PRKN: variants seen among roughly 807,000 people sequenced by gnomAD.
PRKN encodes the protein E3 ubiquitin-protein ligase parkin.
PRKN carries 56 observed loss-of-function variants against 59.5 expected under a neutral mutation model. The observed-to-expected ratio is 0.94, with a 90% CI of 0.76 to 1.18. The LOEUF (loss-of-function observed/expected upper bound fraction) is 1.18. Among genes scored for constraint, PRKN ranks in the 50% most tolerant of loss-of-function variants. The pLI, the probability that PRKN is intolerant of heterozygous loss-of-function variation, is 0.00. For synonymous variants in PRKN, 250 were observed against 222.1 expected, an observed-to-expected ratio of 1.13 and a Z score of -1.12; for missense variants, 657 against 596.4, an observed-to-expected ratio of 1.10 and a Z score of -1.06.
At chr6:162,034,489 G>T (rs1783766290) in intron 5 of PRKN, among the ~76,000 whole-genome samples, 1 of 152,044 alleles carries the variant, frequency 6.6e-6, no homozygotes, top group Non-Finnish European at 1.5e-5. Flanking sequence ...ATTTCCTGCA[G>T]TTTATTCATT....
intron 4 of PRKN, among the ~76,000 whole-genome samples, chr6:162,082,040 A>T (rs944105413): frequency 6.6e-6 from 1 of 152,068 alleles, no homozygotes; most frequent in Non-Finnish European, 1.5e-5. Flanking sequence ...AGAATTGAAG[A>T]GGGTACAGGT....
chr6:161,791,443 T>C (rs989489660), intron 6 of PRKN, among the ~76,000 whole-genome samples: 4 of 152,216 alleles, frequency 2.6e-5, no homozygotes, highest in Admixed American at 6.5e-5. Flanking sequence ...AAATGTGCAA[T>C]TTACTCTGCT....
At chr6:161,782,965 A>G (rs537792319) in intron 7 of PRKN, among the ~76,000 whole-genome samples, 13 of 152,298 alleles carry the variant, frequency 8.5e-5, no homozygotes, top group Non-Finnish European at 1.6e-4. Context: ...TGATGACATA[A>G]CTATACATTA....
At position 161,466,233 on chromosome 6, in the gene PRKN, C is replaced by G. The variant is rs1245666059; in HGVS notation, c.1084-79356G>C. ...TGACCGCTCTTCAAGATCATTGATACTTACCTCTTCTGCTCAGTCTTCTGT... is the reference window on the plus strand; with the variant it reads ...TGACCGCTCTTCAAGATCATTGATAGTTACCTCTTCTGCTCAGTCTTCTGT... On this transcript the variant is annotated intron_variant, in intron 9 of 11. Coordinates refer to ENST00000366898, the MANE Select transcript of PRKN (RefSeq NM_004562.3). The surrounding 1 kb of genome is among the most constrained non-coding windows in gnomAD (Gnocchi z 5.0). Among the ~76,000 whole-genome samples, 1 of 152,212 alleles carries G rather than the reference C, an allele frequency of 6.6e-6. No homozygotes were observed. Among genetic ancestry groups the G allele is most frequent in the African/African-American group, 2.4e-5 (1 of 41,448 alleles).
intron 6 of PRKN, among the ~76,000 whole-genome samples, chr6:161,885,619 T>C (rs9458410): frequency 5.4e-5 from 8 of 147,038 alleles, no homozygotes; most frequent in South Asian, 2.2e-4. Flanking sequence ...GGGCCAAGAT[T>C]GCACCACTGC....
chr6:161,762,184 G>C (rs1052764429), intron 7 of PRKN, among the ~76,000 whole-genome samples: 1 of 152,128 alleles, frequency 6.6e-6, no homozygotes, highest in African/African-American at 2.4e-5. Context: ...GAAAAAATAC[G>C]AAGCCACAGT....
At chr6:162,295,635 C>T (rs922599285) in intron 2 of PRKN, among the ~76,000 whole-genome samples, 3 of 152,202 alleles carry the variant, frequency 2.0e-5, no homozygotes, top group African/African-American at 7.2e-5. Flanking sequence ...GGCCCCACTA[C>T]AGGAGTTGTG....
At chr6:161,751,368 C>T (rs915449824) in intron 7 of PRKN, among the ~76,000 whole-genome samples, 1 of 152,182 alleles carries the variant, frequency 6.6e-6, no homozygotes, top group Non-Finnish European at 1.5e-5. Flanking sequence ...TAGCTTGGTA[C>T]ACTCAGCGCC....
In PRKN at chr6:161,576,132, C is replaced by T. The variant is rs1337014053; in HGVS notation, c.872-6716G>A. On this transcript the variant is annotated intron_variant, in intron 7 of 11. Coordinates refer to ENST00000366898, the MANE Select transcript of PRKN (RefSeq NM_004562.3). The surrounding 1 kb of genome is among the most constrained non-coding windows in gnomAD (Gnocchi z 4.6). ...AGGCGTTAATAGGATCCCTGGAAAA[C>T]TCACTAAGCTGTCTCGACAGAGTAA... 6.6e-6 allele frequency among the ~76,000 whole-genome samples: 1 copy of T among 152,214 alleles called. No individual in the cohort carries two copies. Among genetic ancestry groups the T allele is most frequent in the Non-Finnish European group, 1.5e-5 (1 of 68,040 alleles).
At chr6:162,037,366 AAGATGCAAGTTATAAAATAATACGTG>A (rs1420203687) in intron 5 of PRKN, among the ~76,000 whole-genome samples, 1 of 152,194 alleles carries the variant, frequency 6.6e-6, no homozygotes, top group African/African-American at 2.4e-5. Context: ...TATGAAGTAA[AAGATGCAAGTTATAAAATAATACGTG>A]AGACACAAAA....
At chr6:162,636,446 T>C (rs778134207) in intron 1 of PRKN, among the ~76,000 whole-genome samples, 9 of 152,310 alleles carry the variant, frequency 5.9e-5, no homozygotes, top group Non-Finnish European at 1.3e-4. Flanking sequence ...ATTTTACAAA[T>C]GAAGAAACTT....
chr6:162,539,915 GAATTT>G (rs1778861094), intron 1 of PRKN, among the ~76,000 whole-genome samples: 2 of 152,038 alleles, frequency 1.3e-5, no homozygotes, highest in African/African-American at 4.8e-5. Flanking sequence ...AAATTGTTGC[GAATTT>G]ATTTTATTTT....
chr6:161,578,057 G>A lies in PRKN; in HGVS notation c.872-8641C>T, dbSNP rs1277892017. Among the ~76,000 whole-genome samples the A allele has an allele frequency of 6.6e-6, 1 of 152,116 alleles. No individual in the cohort carries two copies. The highest frequency in any genetic ancestry group is 1.5e-5 in the Non-Finnish European group (1 of 68,034). ...CAGGGATTCTGCCTTCCTGGAGCTT[G>A]CAGAAGAAATAAGACGCACACCAAC... On this transcript the variant is annotated intron_variant, in intron 7 of 11. Transcript: ENST00000366898. This position sits in a 1 kb window ranked among gnomAD's most constrained non-coding sequence, Gnocchi z 4.2.
At chr6:161,420,517 TCTTTA>T (rs1053940450) in intron 9 of PRKN, among the ~76,000 whole-genome samples, 1 of 152,154 alleles carries the variant, frequency 6.6e-6, no homozygotes, top group Non-Finnish European at 1.5e-5. Flanking sequence ...TTTTTTTCTT[TCTTTA>T]TTTATTTTTG....
At chr6:162,008,993 G>C (rs936663721) in intron 5 of PRKN, among the ~76,000 whole-genome samples, 2 of 151,910 alleles carry the variant, frequency 1.3e-5, no homozygotes, top group African/African-American at 4.8e-5. Context: ...AGTGGCTCAC[G>C]CCTGTAATCC....
At position 162,456,948 on chromosome 6, in the gene PRKN, A is replaced by C. The variant is rs367630947; in HGVS notation, c.8-13475T>G. The stretch of plus-strand genomic sequence containing the variant: ...GCTTGGGGCCATTTCGAACAATGAA[A>C]TCACCAATAAAAAGCACCAAAATAT... On this transcript the variant is annotated intron_variant, in intron 1 of 11. Coordinates refer to ENST00000366898, the MANE Select transcript of PRKN (RefSeq NM_004562.3). Among the ~76,000 whole-genome samples the C allele has an allele frequency of 5.8e-4, 89 of 152,322 alleles. 4 individuals are homozygous for C. The South Asian group carries it at 0.018, about 30-fold the overall frequency.
At position 161,474,084 on chromosome 6, in the gene PRKN, A is replaced by C. The variant is rs150001680; in HGVS notation, c.1083+74770T>G. Reference sequence around the variant, plus strand: ...AAGAAAAAAATGGGCGTGGAGCATGATCAGTTTACTCTTTCCAAACTTACC... The same window carrying C: ...AAGAAAAAAATGGGCGTGGAGCATGCTCAGTTTACTCTTTCCAAACTTACC... On this transcript the variant is annotated intron_variant, in intron 9 of 11. Transcript: ENST00000366898. 4.5e-3 allele frequency among the ~76,000 whole-genome samples: 686 copies of C among 152,280 alleles called. 3 individuals are homozygous for C. Among genetic ancestry groups the C allele is most frequent in the African/African-American group, 0.015 (639 of 41,568 alleles).
intron 2 of PRKN, among the ~76,000 whole-genome samples, chr6:162,294,950 T>C (rs1449893067): frequency 6.6e-6 from 1 of 152,180 alleles, no homozygotes; most frequent in Non-Finnish European, 1.5e-5. Flanking sequence ...TTGTGCTTCC[T>C]CGATCACTAA....
chr6:161,862,398 A>G (rs35029799), intron 6 of PRKN, among the ~76,000 whole-genome samples: 11,398 of 152,200 alleles, frequency 0.075, 474 homozygotes, highest in East Asian at 0.15. Context: ...TGGTGGTGAA[A>G]GCAGTTTTCC....
Sources: allele counts gnomAD v4.1 joint callset (sites outside exome capture counted in the v4.1 genomes callset), GRCh38; gene constraint gnomAD v4.1.1; non-coding constraint Gnocchi (gnomAD v3.1); transcripts MANE v1.5; gene names NCBI Gene and HGNC (gene_info 2026-07-23, HGNC 2026-07-21).